The following TWIST2 variants were observed in gnomAD, a reference collection of about 807,000 sequenced individuals.
TWIST2 encodes the protein twist-related protein 2.
A neutral mutation model predicts 11.6 loss-of-function variants in TWIST2; 1 was observed. The ratio of observed to expected loss-of-function variants is 0.09; its 90% CI spans 0.03 to 0.41. TWIST2 has a LOEUF of 0.41. Ranked by LOEUF, TWIST2 falls within the 10% of genes least tolerant of loss-of-function variation. TWIST2 has a pLI of 0.98. For missense variants in TWIST2, 168 were observed against 226.4 expected, an observed-to-expected ratio of 0.74 and a Z score of 1.66; for synonymous variants, 87 against 96.6, an observed-to-expected ratio of 0.90 and a Z score of 0.58.
intron 1 of TWIST2, among the ~76,000 whole-genome samples, chr2:238,889,583 T>C (rs1227743764): frequency 6.6e-6 from 1 of 152,202 alleles, no homozygotes; most frequent in African/African-American, 2.4e-5. Context: ...ATGATAGATA[T>C]TTGTTGTTGA....
intron 1 of TWIST2, among the ~76,000 whole-genome samples, chr2:238,854,054 T>C (rs979152046): frequency 3.9e-5 from 6 of 152,236 alleles, no homozygotes; most frequent in Non-Finnish European, 7.3e-5. Context: ...CGAAGCCTCA[T>C]GGAGAACTAT....
chr2:238,909,709 G>A (rs1400085356), intron 1 of TWIST2, 133 bp from the exon 2 acceptor site: 1 of 152,484 alleles, frequency 6.6e-6, no homozygotes, highest in Non-Finnish European at 1.5e-5. Flanking sequence ...AGGAACATGA[G>A]TAGAACAGAG....
chr2:238,890,071 C>T (rs546372991), intron 1 of TWIST2, among the ~76,000 whole-genome samples: 7 of 152,288 alleles, frequency 4.6e-5, no homozygotes, highest in African/African-American at 1.4e-4. Flanking sequence ...AGGACAGCTG[C>T]GTGGAGGATA....
At chr2:238,870,185 CATCACATACCA>C (rs1365683035) in intron 1 of TWIST2, among the ~76,000 whole-genome samples, 4 of 4,450 alleles carry the variant, frequency 9.0e-4, no homozygotes, top group African/African-American at 1.1e-3. Flanking sequence ...CCCACACACA[CATCACATACCA>C]CACACAAACC....
intron 1 of TWIST2, among the ~76,000 whole-genome samples, chr2:238,874,561 G>A (rs1302668285): frequency 6.6e-6 from 1 of 152,150 alleles, no homozygotes; most frequent in Non-Finnish European, 1.5e-5. Context: ...GTGAATGCCG[G>A]TCTGCACCAG....
At chr2:238,908,189 A>T (rs1693387878) in intron 1 of TWIST2, among the ~76,000 whole-genome samples, 1 of 151,288 alleles carries the variant, frequency 6.6e-6, no homozygotes, top group Non-Finnish European at 1.5e-5. Flanking sequence ...CACCACACAC[A>T]CATACACACG....
intron 1 of TWIST2, among the ~76,000 whole-genome samples, chr2:238,865,201 A>C (rs1692510099): frequency 6.6e-6 from 1 of 152,204 alleles, no homozygotes; most frequent in Non-Finnish European, 1.5e-5. Context: ...AGCTGAGAGC[A>C]TAGACAGAGC....
Position 238,848,710 on chromosome 2 carries a change from C to T in TWIST2, c.*12C>T. 2 of 1,497,822 alleles carry T rather than the reference C, an allele frequency of 1.3e-6. No homozygotes were observed. The highest frequency in any genetic ancestry group is 1.3e-5 in the South Asian group (1 of 78,510). The allele number at this position is 1,497,822 out of a possible 1,614,324, so 92.8% of individuals were successfully genotyped here. A position where few individuals can be genotyped will look rare whatever the true frequency, so the allele number is the denominator to read the frequency against. On this transcript the variant is annotated 3_prime_UTR_variant, in exon 1 of 2. Transcript: ENST00000612363. ...CCGCCTCCCACTAGCGCCGCGCCAC[C>T]CACCTCCGGACCGGCGCGCCAGGGT...
At chr2:238,877,132 G>T (rs1252054849) in intron 1 of TWIST2, among the ~76,000 whole-genome samples, 1 of 152,088 alleles carries the variant, frequency 6.6e-6, no homozygotes. Flanking sequence ...AGGAGGTGGA[G>T]GTTGCAGTGA....
intron 1 of TWIST2, among the ~76,000 whole-genome samples, chr2:238,850,828 A>G (rs1013100551): frequency 6.6e-6 from 1 of 152,240 alleles, no homozygotes; most frequent in African/African-American, 2.4e-5. Flanking sequence ...ATAACTGAGT[A>G]GTTCAAACAA....
Position 238,871,476 on chromosome 2 carries a change from C to A in TWIST2, c.*35+22743C>A, listed in dbSNP as rs553461924. On this transcript the variant is annotated intron_variant, in intron 1 of 1. Coordinates refer to ENST00000612363, the MANE Select transcript of TWIST2 (RefSeq NM_001271893.4). ...ACACACACCACACACACACCACATC[C>A]CTCCCACACACACCACACACACACC... Among the ~76,000 whole-genome samples, 47 of 98,194 alleles carry A rather than the reference C, an allele frequency of 4.8e-4. 7 individuals are homozygous for A. In the East Asian group the frequency reaches 0.018, roughly 38 times the overall value. 64.4% of individuals were successfully genotyped at this position (98,194 alleles called of 152,430 possible).
At chr2:238,853,448 G>GGAGAGAGAGAGA (rs375821278) in intron 1 of TWIST2, among the ~76,000 whole-genome samples, 69 of 130,700 alleles carry the variant, frequency 5.3e-4, no homozygotes, top group Admixed American at 6.4e-4. Context: ...AGGGAGAGAT[G>GGAGAGAGAGAGA]GAGAGAGAGA....
At chr2:238,853,352 G>A (rs1191961349) in intron 1 of TWIST2, among the ~76,000 whole-genome samples, 1 of 151,564 alleles carries the variant, frequency 6.6e-6, no homozygotes, top group Non-Finnish European at 1.5e-5. Context: ...CATAAGCAGT[G>A]AGAGGGAGAG....
intron 1 of TWIST2, among the ~76,000 whole-genome samples, chr2:238,904,812 G>T (rs1693321697): frequency 6.6e-6 from 1 of 152,022 alleles, no homozygotes; most frequent in African/African-American, 2.4e-5. Flanking sequence ...AAGGGGGAAG[G>T]AAGCGGAAGG....
At chr2:238,909,818 C>G (rs1379634321) in intron 1 of TWIST2, 24 bp from the exon 2 acceptor site, 1 of 152,252 alleles carries the variant, frequency 6.6e-6, no homozygotes, top group African/African-American at 2.4e-5. Context: ...CCGTAGCTCA[C>G]GGTCCCCCTT....
chr2:238,861,667 C>G (rs569733233), intron 1 of TWIST2, among the ~76,000 whole-genome samples: 54 of 152,316 alleles, frequency 3.5e-4, no homozygotes, highest in Non-Finnish European at 6.5e-4. Flanking sequence ...CTGCCACCAC[C>G]TGACTAACAG....
intron 1 of TWIST2, among the ~76,000 whole-genome samples, chr2:238,892,379 A>G (rs933501665): frequency 2.0e-5 from 3 of 152,228 alleles, no homozygotes; most frequent in Non-Finnish European, 2.9e-5. Context: ...ATCACCAGCC[A>G]GGACCTTCCC....
intron 1 of TWIST2, among the ~76,000 whole-genome samples, chr2:238,903,383 G>A (rs1441283815): frequency 6.1e-5 from 9 of 146,404 alleles, no homozygotes; most frequent in East Asian, 4.2e-4. Flanking sequence ...TAGTGTGTGC[G>A]TGATGTGAGG....
chr2:238,859,752 A>G (rs1402629226), intron 1 of TWIST2, among the ~76,000 whole-genome samples: 1 of 152,198 alleles, frequency 6.6e-6, no homozygotes, highest in African/African-American at 2.4e-5. Context: ...GCCTAAGAGC[A>G]TTTTCGACAT....
Sources: gnomAD v4.1 joint callset for allele counts (sites outside exome capture counted in the v4.1 genomes callset) on GRCh38, gnomAD v4.1.1 for gene constraint, MANE v1.5 for transcripts, NCBI Gene and HGNC (gene_info 2026-07-23, HGNC 2026-07-21) for gene names.